The following NCOR2 variants were observed in gnomAD, a reference collection of about 807,000 sequenced individuals.
NCOR2 encodes nuclear receptor corepressor 2.
In NCOR2, 81 loss-of-function variants were observed where a neutral mutation model predicts 262.9. The observed-to-expected ratio is 0.31, with a 90% CI of 0.26 to 0.37. NCOR2 has a LOEUF of 0.37. Ranked by LOEUF, NCOR2 falls within the 10% of genes least tolerant of loss-of-function variation. The pLI, the probability that NCOR2 is intolerant of heterozygous loss-of-function variation, is 1.00. For missense variants in NCOR2, 3,385 were observed against 3,621.4 expected (o/e 0.93, Z 1.68); for synonymous variants, 1,659 against 1,559.3 (o/e 1.06, Z -1.51).
At chr12:124,466,257 C>T (rs766314717) in exon 5 of NCOR2, 28 of 1,608,048 alleles carry the variant, frequency 1.7e-5, no homozygotes, top group Middle Eastern at 1.6e-4. Flanking sequence ...CAGGCTCGGG[C>T]GGCTTGGCAG....
At chr12:124,471,350 T>G (rs962966311) in intron 4 of NCOR2, among the ~76,000 whole-genome samples, 10 of 152,194 alleles carry the variant, frequency 6.6e-5, no homozygotes, top group Non-Finnish European at 1.3e-4. Flanking sequence ...GCACTAGATA[T>G]GAGCCTGTTT....
At chr12:124,340,189 C>CTGCTGCCGT (rs746329633) in exon 37 of NCOR2, 1 of 1,608,376 alleles carries the variant, frequency 6.2e-7, no homozygotes, top group Non-Finnish European at 8.5e-7. Context: ...GCTGCTGCCG[C>CTGCTGCCGT]TGCTCTGCTC....
At chr12:124,431,888 T>C (rs1052357312) in intron 8 of NCOR2, among the ~76,000 whole-genome samples, 4 of 145,400 alleles carry the variant, frequency 2.8e-5, no homozygotes, top group African/African-American at 5.2e-5. Context: ...CACACACACA[T>C]ATATACACAG....
chr12:124,332,597 C>T (rs1314008072), intron 42 of NCOR2, 130 bp from the exon 45 acceptor site: 22 of 1,162,600 alleles, frequency 1.9e-5, no homozygotes, highest in African/African-American at 3.0e-5. Context: ...ACGCCTGCAT[C>T]CCCTGCCTGG....
chr12:124,335,726 G>T, intron 38 of NCOR2, 94 bp from the exon 41 acceptor site: 1 of 1,388,736 alleles, frequency 7.2e-7, no homozygotes. Context: ...GGGACCCCGG[G>T]GGGGTCAAGG....
At chr12:124,567,508 G>C (rs1441651091), upstream of NCOR2, 1 of 146,988 alleles carries the variant, frequency 6.8e-6, no homozygotes, top group African/African-American at 2.4e-5. Flanking sequence ...GCGGAGCGCA[G>C]GGCGCGGGCG....
At chr12:124,374,048 G>T (rs1220549506) in intron 19 of NCOR2, among the ~76,000 whole-genome samples, 1 of 152,176 alleles carries the variant, frequency 6.6e-6, no homozygotes, top group African/African-American at 2.4e-5. Context: ...TGGCTCTCTA[G>T]CCCCCAAACC....
intron 20 of NCOR2, among the ~76,000 whole-genome samples, chr12:124,366,838 G>A (rs1201380365): frequency 6.6e-6 from 1 of 152,064 alleles, no homozygotes; most frequent in Non-Finnish European, 1.5e-5. Flanking sequence ...GCTTTCAATG[G>A]TGAAATGTAT....
intron 1 of NCOR2, among the ~76,000 whole-genome samples, chr12:124,545,093 TCACCATCGGGGTTCA>T (rs2051498770): frequency 6.6e-6 from 1 of 151,918 alleles, no homozygotes; most frequent in African/African-American, 2.4e-5. Flanking sequence ...CAGTTGAAGC[TCACCATCGGGGTTCA>T]CCAGGCCACC....
At chr12:124,350,905 G>A (rs958730971) in intron 27 of NCOR2, among the ~76,000 whole-genome samples, 168 bp from the exon 30 acceptor site, 2 of 152,248 alleles carry the variant, frequency 1.3e-5, no homozygotes, top group Admixed American at 6.5e-5. Context: ...AAAACCCTAT[G>A]AGGAACCTGA....
chr12:124,502,383 A>G (rs1438742785), intron 1 of NCOR2, among the ~76,000 whole-genome samples: 1 of 152,092 alleles, frequency 6.6e-6, no homozygotes, highest in Non-Finnish European at 1.5e-5. Context: ...GACGGGAGTA[A>G]GAGGATGGCA....
rs930371465 is a variant in NCOR2, at chr12:124,432,370, C to G, written c.883-1583G>C. On this transcript the variant is annotated intron_variant, in intron 8 of 46. Coordinates refer to ENST00000405201, the Ensembl canonical transcript of NCOR2. The surrounding 1 kb of genome is among the most constrained non-coding windows in gnomAD (Gnocchi z 5.1). ...CTTCCTGGTGAACCGGCCACCCAGA[C>G]CTGGCCTCCTCTGCAGAGGCCTGGT... 1.3e-5 allele frequency among the ~76,000 whole-genome samples: 2 copies of G among 152,218 alleles called. No homozygotes were observed. Among genetic ancestry groups the G allele is most frequent in the African/African-American group, 2.4e-5 (1 of 41,458 alleles).
chr12:124,560,203 T>A (rs2052023068), intron 1 of NCOR2, among the ~76,000 whole-genome samples: 1 of 152,180 alleles, frequency 6.6e-6, no homozygotes, highest in Non-Finnish European at 1.5e-5. Flanking sequence ...TCGGCAAATA[T>A]CTTCTGCAAA....
intron 6 of NCOR2, among the ~76,000 whole-genome samples, chr12:124,456,833 C>T (rs570556272): frequency 6.6e-6 from 1 of 152,200 alleles, no homozygotes; most frequent in Non-Finnish European, 1.5e-5. Flanking sequence ...CCCGAGCGGC[C>T]GGGCTTCACG....
chr12:124,564,590 C>A (rs959650827), intron 1 of NCOR2, among the ~76,000 whole-genome samples: 3 of 137,150 alleles, frequency 2.2e-5, no homozygotes, highest in Non-Finnish European at 4.6e-5. Flanking sequence ...GTTCAGACAG[C>A]GGCAGGAGGA....
chr12:124,332,042 G>A, intron 43 of NCOR2: 1 of 432,786 alleles, frequency 2.3e-6, no homozygotes, highest in Admixed American at 3.5e-5. Flanking sequence ...CCAACCCCTG[G>A]TCCCAGTATT....
At chr12:124,505,014 C>T (rs11057642) in intron 1 of NCOR2, among the ~76,000 whole-genome samples, 33,881 of 152,106 alleles carry the variant, frequency 0.22, 3,839 homozygotes, top group East Asian at 0.37. Context: ...TTAGTATAGC[C>T]AAAATGGTAT....
chr12:124,371,624 G>T (rs572887939), intron 20 of NCOR2, among the ~76,000 whole-genome samples: 20 of 152,164 alleles, frequency 1.3e-4, no homozygotes, highest in Admixed American at 1.2e-3. Context: ...CCAGAGGCTC[G>T]GAGGCTGCGT....
At chr12:124,526,546 G>A (rs2050479980) in intron 1 of NCOR2, among the ~76,000 whole-genome samples, 1 of 152,128 alleles carries the variant, frequency 6.6e-6, no homozygotes, top group African/African-American at 2.4e-5. Flanking sequence ...CATGGACAGC[G>A]AACGAGGACA....
Sources: gnomAD v4.1 joint callset for allele counts (sites outside exome capture counted in the v4.1 genomes callset) on GRCh38, gnomAD v4.1.1 for gene constraint, Gnocchi (gnomAD v3.1) non-coding constraint, MANE v1.5 for transcripts, NCBI Gene and HGNC (gene_info 2026-07-23, HGNC 2026-07-21) for gene names.